CCNB3: variants seen among roughly 807,000 people sequenced by gnomAD.
CCNB3 encodes the protein G2/mitotic-specific cyclin-B3.
In CCNB3, 12 loss-of-function variants were observed where a neutral mutation model predicts 68.0. That is an observed-to-expected ratio of 0.18 (90% CI 0.11 to 0.29). The LOEUF is 0.29. Ranked by LOEUF, CCNB3 falls within the 10% of genes least tolerant of loss-of-function variation. CCNB3 has a pLI of 1.00. For missense variants in CCNB3, 904 were observed against 993.1 expected, an observed-to-expected ratio of 0.91 and a Z score of 1.21; for synonymous variants, 354 against 388.9, an observed-to-expected ratio of 0.91 and a Z score of 1.06.
At chrX:50,338,190 T>C (rs1922951339) in intron 8 of CCNB3, among the ~76,000 whole-genome samples, 2 of 112,293 alleles carry the variant, frequency 1.8e-5, no homozygotes, top group African/African-American at 6.5e-5. Context: ...AGGGCAGGCC[T>C]AAGCCGCCTA....
chrX:50,209,779 TTG>T (rs1935453936), intron 1 of CCNB3, among the ~76,000 whole-genome samples: 1 of 112,652 alleles, frequency 8.9e-6, no homozygotes, highest in Non-Finnish European at 1.9e-5. Flanking sequence ...TGCTAGAGGT[TTG>T]TTAGGCTTTT....
chrX:50,279,363 T>G (rs1416365698), intron 1 of CCNB3, among the ~76,000 whole-genome samples: 1 of 77,648 alleles, frequency 1.3e-5, no homozygotes, highest in Admixed American at 1.9e-4. Context: ...AGGATATTTA[T>G]ATGAATATAT....
At chrX:50,312,125 T>C (rs1346293858) in intron 6 of CCNB3, among the ~76,000 whole-genome samples, 6 of 110,601 alleles carry the variant, frequency 5.4e-5, no homozygotes, top group Non-Finnish European at 1.1e-4. Context: ...AAATGTCCTT[T>C]TTGTAGCAAA....
intron 1 of CCNB3, among the ~76,000 whole-genome samples, chrX:50,226,500 A>C (rs1300665220): frequency 3.8e-5 from 2 of 52,589 alleles, no homozygotes; most frequent in Non-Finnish European, 6.5e-5. Flanking sequence ...ATATATAAAA[A>C]TATATATATA....
At chrX:50,339,327 A>G (rs1923007300) in intron 8 of CCNB3, among the ~76,000 whole-genome samples, 1 of 112,258 alleles carries the variant, frequency 8.9e-6, no homozygotes, top group African/African-American at 3.2e-5. Context: ...TCATAGGTAG[A>G]TAAGAGACAA....
At chrX:50,322,106 A>T (rs1922050193) in intron 8 of CCNB3, among the ~76,000 whole-genome samples, 1 of 101,563 alleles carries the variant, frequency 9.8e-6, no homozygotes. Flanking sequence ...AAGAGCCCAC[A>T]TTGCCAAGTC....
At chrX:50,313,530 C>G (rs1427734664) in intron 7 of CCNB3, among the ~76,000 whole-genome samples, 1 of 112,184 alleles carries the variant, frequency 8.9e-6, no homozygotes, top group African/African-American at 3.2e-5. Flanking sequence ...TTGAGAAGCA[C>G]TGCTCTACAT....
At chrX:50,280,414 T>C (rs1193713217) in intron 1 of CCNB3, among the ~76,000 whole-genome samples, 4 of 108,282 alleles carry the variant, frequency 3.7e-5, no homozygotes, top group African/African-American at 1.3e-4. Context: ...ATGAATGAGA[T>C]ATTGAGCTAT....
intron 1 of CCNB3, among the ~76,000 whole-genome samples, chrX:50,227,809 T>TC (rs1935925891): frequency 7.8e-5 from 5 of 64,205 alleles, no homozygotes; most frequent in African/African-American, 2.9e-4. Flanking sequence ...AGAATAAATA[T>TC]AAATATATAG....
chrX:50,212,434 C>T (rs1935498264), intron 1 of CCNB3, among the ~76,000 whole-genome samples: 1 of 111,971 alleles, frequency 8.9e-6, no homozygotes, highest in Non-Finnish European at 1.9e-5. Context: ...ATCCTTGCCA[C>T]TCTTCAATGT....
chrX:50,312,660 G>A, intron 7 of CCNB3, 28 bp downstream of exon 7: 1 of 1,007,012 alleles, frequency 9.9e-7, no homozygotes, highest in South Asian at 2.0e-5. Flanking sequence ...GTTGGGCAAT[G>A]ATTTCTAGTT....
chrX:50,221,723 G>A (rs1035545986), intron 1 of CCNB3, among the ~76,000 whole-genome samples: 3 of 111,606 alleles, frequency 2.7e-5, no homozygotes. Flanking sequence ...GTGCAATGTG[G>A]TGCTGAGAAG....
intron 8 of CCNB3, among the ~76,000 whole-genome samples, chrX:50,332,015 C>A (rs2147088645): frequency 9.0e-6 from 1 of 111,678 alleles, no homozygotes; most frequent in East Asian, 2.8e-4. Flanking sequence ...TATCCACATT[C>A]ATTTACACAC....
chrX:50,281,931 G>C (rs1026939865), intron 1 of CCNB3, among the ~76,000 whole-genome samples: 1 of 110,582 alleles, frequency 9.0e-6, no homozygotes, highest in African/African-American at 3.3e-5. Context: ...TGTTCCCACC[G>C]GCAACCACCT....
intron 1 of CCNB3, among the ~76,000 whole-genome samples, chrX:50,282,297 T>C (rs1167941881): frequency 9.0e-6 from 1 of 111,509 alleles, no homozygotes; most frequent in African/African-American, 3.3e-5. Flanking sequence ...ACCTTAGGCA[T>C]CCTTCCCAGC....
intron 8 of CCNB3, among the ~76,000 whole-genome samples, chrX:50,338,788 T>C (rs1320960370): frequency 1.8e-5 from 2 of 112,374 alleles, no homozygotes; most frequent in African/African-American, 3.2e-5. Flanking sequence ...TCTAATAAAT[T>C]TTTCATTTCC....
At position 50,310,241 on chromosome X, in the gene CCNB3, A is replaced by C. The variant is rs1557214491; in HGVS notation, c.2072A>C (p.Gln691Pro). 8.3e-7 allele frequency: 1 copy of C among 1,210,450 alleles called. No homozygotes were observed. Among genetic ancestry groups the C allele is most frequent in the Non-Finnish European group, 1.1e-6 (1 of 894,779 alleles). The change falls in exon 6 of 13, where the codon CAG (glutamine) becomes CCG (proline). Residue 691 changes from glutamine to proline, a missense_variant. By Grantham distance (76) the Gln-to-Pro change is moderately conservative. Transcript: ENST00000376042. The part of the protein sequence containing the change: ...KHTNKSGSLF[Q>P]EALVLQEKTD... ...ACCAACAAAAGTGGGTCCCTCTTCC[A>C]GGAGGCTTTGGTCTTGCAAGAGAAG...
rs1921288816 is a variant in CCNB3, at chrX:50,309,597, G to A, written c.1428G>A (p.Lys476=). ...PFDEALAFTK[K]CTIEEAPPTK... ...ATGAGGCTTTGGCTTTTACAAAGAA[G>A]TGTACCATTGAGGAGGCACCCCCCA... is the stretch of plus-strand genomic sequence containing the variant. The change falls in exon 6 of 13, where the codon AAG becomes AAA. Residue 476 remains lysine (K), a synonymous_variant. Transcript: ENST00000376042. 8.3e-7 allele frequency: 1 copy of A among 1,210,941 alleles called. No homozygotes were observed. The highest frequency in any genetic ancestry group is 3.0e-5 in the East Asian group (1 of 33,818).
At chrX:50,308,456 G>A (rs1557213850) in intron 5 of CCNB3, 49 bp from the exon 6 acceptor site, 1 of 850,127 alleles carries the variant, frequency 1.2e-6, no homozygotes, top group Non-Finnish European at 1.7e-6. Flanking sequence ...TGGTAGGTGA[G>A]GATTCTAGGA....
Sources: allele counts gnomAD v4.1 joint callset (sites outside exome capture counted in the v4.1 genomes callset), GRCh38; gene constraint gnomAD v4.1.1; transcripts MANE v1.5; gene names NCBI Gene and HGNC (gene_info 2026-07-23, HGNC 2026-07-21).